ST8SIA1: variants seen among roughly 807,000 people sequenced by gnomAD.
ST8SIA1 encodes the protein alpha-N-acetylneuraminide alpha-2,8-sialyltransferase.
ST8SIA1 carries 16 observed loss-of-function variants against 35.9 expected under a neutral mutation model. That is an observed-to-expected ratio of 0.45 (90% CI 0.30 to 0.68). ST8SIA1 has a LOEUF of 0.68. Ranked by LOEUF, ST8SIA1 falls within the 30% of genes least tolerant of loss-of-function variation. ST8SIA1 has a pLI of 0.09. For missense variants in ST8SIA1, 383 were observed against 453.6 expected, an observed-to-expected ratio of 0.84 and a Z score of 1.41; for synonymous variants, 170 against 169.6, an observed-to-expected ratio of 1.00 and a Z score of -0.02.
At chr12:22,233,127 G>A (rs1177453748) in intron 4 of ST8SIA1, among the ~76,000 whole-genome samples, 1 of 152,196 alleles carries the variant, frequency 6.6e-6, no homozygotes, top group African/African-American at 2.4e-5. Flanking sequence ...GCGTATCACT[G>A]TGAAATTTCA....
At chr12:22,308,760 T>C (rs1054217868) in intron 1 of ST8SIA1, among the ~76,000 whole-genome samples, 2 of 152,148 alleles carry the variant, frequency 1.3e-5, no homozygotes, top group Admixed American at 1.3e-4. Context: ...GCTGAAGCAT[T>C]TGACACAGTT....
intron 4 of ST8SIA1, among the ~76,000 whole-genome samples, chr12:22,245,265 G>A (rs2120738887): frequency 6.6e-6 from 1 of 152,174 alleles, no homozygotes; most frequent in Middle Eastern, 3.4e-3. Context: ...TCATGCACAT[G>A]GTATTATAGT....
intron 1 of ST8SIA1, among the ~76,000 whole-genome samples, chr12:22,315,179 T>C (rs1336168175): frequency 6.6e-6 from 1 of 151,998 alleles, no homozygotes; most frequent in Non-Finnish European, 1.5e-5. Context: ...GTCCTCATAG[T>C]AGAAACTCAA....
chr12:22,330,658 T>C (rs1041899156), intron 1 of ST8SIA1, among the ~76,000 whole-genome samples: 1 of 152,224 alleles, frequency 6.6e-6, no homozygotes, highest in African/African-American at 2.4e-5. Flanking sequence ...GATAATGATA[T>C]ATCAATTTAT....
Position 22,287,269 on chromosome 12 carries a change from G to T in ST8SIA1, c.261C>A (p.Asp87Glu), listed in dbSNP as rs1442195251. 1 of 1,613,248 alleles carries T rather than the reference G, an allele frequency of 6.2e-7. No individual in the cohort carries two copies. Among genetic ancestry groups the T allele is most frequent in the South Asian group, 1.1e-5 (1 of 90,978 alleles). Residue 87 changes from aspartate to glutamate, a missense_variant, in exon 2 of 5, where the codon GAC becomes GAA. Asp to Glu is a conservative substitution (Grantham distance 45, BLOSUM62 2). Transcript: ENST00000396037. ...TAGTCATAGCAAAGAGATGGGCAGG[G>T]TCGCAGCAGTCTTCCATTTGTTTCC... is the stretch of plus-strand genomic sequence containing the variant. ...AFRKQMEDCC[D>E]PAHLFAMTKM...
Position 22,333,996 on chromosome 12 carries a change from C to T in ST8SIA1, c.236+1G>A, listed in dbSNP as rs1395557603. On this transcript the variant is annotated splice_donor_variant, in intron 1 of 4. Coordinates refer to ENST00000396037, the MANE Select transcript of ST8SIA1 (RefSeq NM_003034.4). LOFTEE classifies it high-confidence loss of function. ...GGGAGGAGCCGCGAGGGCAGGAGTA[C>T]CTGAACGCTCTGGCCGCGGTCTGGT... 6.2e-7 allele frequency: 1 copy of T among 1,613,484 alleles called. No individual in the cohort carries two copies. Among genetic ancestry groups the T allele is most frequent in the Non-Finnish European group, 8.5e-7 (1 of 1,179,804 alleles).
intron 2 of ST8SIA1, among the ~76,000 whole-genome samples, chr12:22,286,181 T>C (rs946790312): frequency 6.6e-6 from 1 of 152,190 alleles, no homozygotes; most frequent in Non-Finnish European, 1.5e-5. Flanking sequence ...ATTTCAAAAA[T>C]TAAAAGAAAA....
Position 22,196,351 on chromosome 12 carries a change from CT to C in ST8SIA1, c.*5200del, listed in dbSNP as rs1289899762. On this transcript the variant is annotated 3_prime_UTR_variant, in exon 5 of 5. Transcript: ENST00000396037. ...AGGGGCTGTGTTATGTTTCAATAAGCTTTTCATTCATGCACTTGTTTCAATC... is the reference window on the plus strand; with the variant it reads ...AGGGGCTGTGTTATGTTTCAATAAGCTTTCATTCATGCACTTGTTTCAATC... 3 of 152,100 alleles carry C rather than the reference CT, an allele frequency of 2.0e-5. No individual in the cohort carries two copies. The highest frequency in any genetic ancestry group is 2.9e-5 in the Non-Finnish European group (2 of 68,022). 9.4% of individuals were successfully genotyped at this position (152,100 alleles called of 1,614,324 possible).
At position 22,196,230 on chromosome 12, in the gene ST8SIA1, T is replaced by C. The variant is rs1008141782; in HGVS notation, c.*5322A>G. 5.3e-5 allele frequency: 8 copies of C among 152,216 alleles called. No homozygotes were observed. Among genetic ancestry groups the C allele is most frequent in the African/African-American group, 1.7e-4 (7 of 41,456 alleles). The allele number at this position is 152,216 out of a possible 1,614,324, so 9.4% of individuals were successfully genotyped here. The stretch of plus-strand genomic sequence containing the variant: ...TTTAAAATATGGTATTTATTCCTTA[T>C]GTATTAGAGACAGAAGAAATCAGAA... On this transcript the variant is annotated 3_prime_UTR_variant, in exon 5 of 5. Coordinates refer to ENST00000396037, the MANE Select transcript of ST8SIA1 (RefSeq NM_003034.4).
At chr12:22,314,763 TTCTTA>T (rs1228105663) in intron 1 of ST8SIA1, among the ~76,000 whole-genome samples, 1 of 152,202 alleles carries the variant, frequency 6.6e-6, no homozygotes, top group Non-Finnish European at 1.5e-5. Context: ...GCATGACTGT[TTCTTA>T]ACTCACATCC....
intron 4 of ST8SIA1, among the ~76,000 whole-genome samples, chr12:22,242,457 T>G (rs936080630): frequency 1.3e-5 from 2 of 152,186 alleles, no homozygotes; most frequent in African/African-American, 2.4e-5. Context: ...TCTGACAATA[T>G]ATATATTTAA....
intron 2 of ST8SIA1, among the ~76,000 whole-genome samples, chr12:22,268,858 G>A (rs1476409459): frequency 6.6e-6 from 1 of 152,142 alleles, no homozygotes; most frequent in Non-Finnish European, 1.5e-5. Flanking sequence ...ATAAGAAGCT[G>A]CTCATGCCCT....
chr12:22,327,813 AGGAGGCCTTCTCCAACAACTT>A (rs1157543537), intron 1 of ST8SIA1, among the ~76,000 whole-genome samples: 1 of 152,176 alleles, frequency 6.6e-6, no homozygotes, highest in Non-Finnish European at 1.5e-5. Flanking sequence ...GGCCTCTTCC[AGGAGGCCTTCTCCAACAACTT>A]GAGCCCACAG....
chr12:22,329,441 T>C (rs1866730170), intron 1 of ST8SIA1, among the ~76,000 whole-genome samples: 1 of 152,242 alleles, frequency 6.6e-6, no homozygotes, highest in Non-Finnish European at 1.5e-5. Context: ...CTATTGTGAT[T>C]ATTGCTGATG....
chr12:22,217,969 AT>A (rs1235217983), intron 4 of ST8SIA1, among the ~76,000 whole-genome samples: 1 of 152,226 alleles, frequency 6.6e-6, no homozygotes, highest in Non-Finnish European at 1.5e-5. Context: ...CTCATGTCTC[AT>A]TGTTTTGTGA....
At chr12:22,225,748 C>T (rs1165722856) in intron 4 of ST8SIA1, among the ~76,000 whole-genome samples, 2 of 152,112 alleles carry the variant, frequency 1.3e-5, no homozygotes, top group African/African-American at 2.4e-5. Context: ...CCTTGCATTC[C>T]CTCTGCAAAG....
intron 4 of ST8SIA1, among the ~76,000 whole-genome samples, chr12:22,224,358 G>A (rs1343178843): frequency 2.0e-5 from 3 of 150,230 alleles, no homozygotes; most frequent in Non-Finnish European, 4.4e-5. Flanking sequence ...CGCCCAGGCT[G>A]GAGTGCAATG....
chr12:22,320,999 GAAA>G (rs1866588427), intron 1 of ST8SIA1, among the ~76,000 whole-genome samples: 1 of 93,600 alleles, frequency 1.1e-5, no homozygotes, highest in African/African-American at 4.2e-5. Flanking sequence ...AAGAAAGAAA[GAAA>G]GAAGAAAGAA....
At chr12:22,235,734 AG>A (rs1865469581) in intron 4 of ST8SIA1, among the ~76,000 whole-genome samples, 2 of 152,202 alleles carry the variant, frequency 1.3e-5, no homozygotes, top group Admixed American at 1.3e-4. Context: ...ACGTTCCAAA[AG>A]GGGTATGCAG....
Sources: allele counts gnomAD v4.1 joint callset (sites outside exome capture counted in the v4.1 genomes callset), GRCh38; gene constraint gnomAD v4.1.1; transcripts MANE v1.5; gene names NCBI Gene and HGNC (gene_info 2026-07-23, HGNC 2026-07-21).